Variants in PARP4 observed in about 807,000 individuals in gnomAD.
PARP4 encodes protein mono-ADP-ribosyltransferase PARP4.
In PARP4, 120 loss-of-function variants were observed where a neutral mutation model predicts 187.7. The observed-to-expected ratio is 0.64, with a 90% confidence interval of 0.55 to 0.74. The LOEUF is 0.74. PARP4 is among the 30% of genes least tolerant of loss of function. The pLI is 0.00. For missense variants in PARP4, 1,836 were observed against 2,070.5 expected, an observed-to-expected ratio of 0.89 and a Z score of 2.20; for synonymous variants, 654 against 740.9, an observed-to-expected ratio of 0.88 and a Z score of 1.90.
At chr13:24,488,603 C>T (rs1482426141) in intron 10 of PARP4, among the ~76,000 whole-genome samples, 1 of 152,158 alleles carries the variant, frequency 6.6e-6, no homozygotes, top group East Asian at 1.9e-4. Context: ...ATCTGCCCAC[C>T]TCGGCCTCCC....
At chr13:24,457,708 T>C (rs921307063) in intron 20 of PARP4, among the ~76,000 whole-genome samples, 2 of 146,630 alleles carry the variant, frequency 1.4e-5, no homozygotes, top group African/African-American at 5.1e-5. Context: ...GAGGTGGAGT[T>C]TGCAGTGGGC....
chr13:24,460,482 GC>G (rs1872163909), intron 17 of PARP4, among the ~76,000 whole-genome samples: 50 of 119,860 alleles, frequency 4.2e-4, no homozygotes, highest in Admixed American at 1.3e-3. Context: ...GCACGGGTGG[GC>G]TCTGCTGCAT....
chr13:24,469,873 C>T (rs765109383), intron 16 of PARP4, 21 bp downstream of exon 16: 55 of 1,605,162 alleles, frequency 3.4e-5, no homozygotes, highest in South Asian at 3.3e-4. Context: ...AGAGCGGGCA[C>T]GATGCATCTT....
At chr13:24,486,446 G>C (rs1384753059) in intron 10 of PARP4, 141 bp from the exon 11 acceptor site, 1 of 601,374 alleles carries the variant, frequency 1.7e-6, no homozygotes, top group African/African-American at 1.9e-5. Context: ...AGCATATCTT[G>C]GAAGTATTAT....
intron 12 of PARP4, among the ~76,000 whole-genome samples, chr13:24,481,832 C>A (rs1873297180): frequency 6.6e-6 from 1 of 152,192 alleles, no homozygotes; most frequent in Non-Finnish European, 1.5e-5. Flanking sequence ...TTACTGTACT[C>A]TCACCTGGGC....
rs1565993367 is a variant in PARP4 at position 24,443,750 on chromosome 13, G to A, written c.3367-20C>T. On this transcript the variant is annotated intron_variant, in intron 27 of 33. Coordinates refer to ENST00000381989, the MANE Select transcript of PARP4 (RefSeq NM_006437.4). Reference sequence around the variant, plus strand: ...GATCATCTGTGTTTAAGCAGCAAAGGAAAAAAAATATTCACATGGCTTCTA... The same window carrying A: ...GATCATCTGTGTTTAAGCAGCAAAGAAAAAAAAATATTCACATGGCTTCTA... The A allele has an allele frequency of 6.4e-6, 10 of 1,560,438 alleles. No homozygotes were observed. Among genetic ancestry groups the A allele is most frequent in the Admixed American group, 1.8e-5 (1 of 57,032 alleles).
chr13:24,503,891 G>A lies in PARP4; in HGVS notation c.-1-114C>T, dbSNP rs141257354. 1.1e-5 allele frequency: 9 copies of A among 846,416 alleles called. No homozygotes were observed. In the African/African-American group the frequency reaches 1.5e-4, roughly 14 times the overall value. The allele number at this position is 846,416 out of a possible 1,614,324, so 52.4% of individuals were successfully genotyped here. A position where few individuals can be genotyped will look rare whatever the true frequency, so the allele number is the denominator to read the frequency against. ...TGGGCATTATCTTAAGAAAGATATT[G>A]CAATCATGTTATCAATAGAACATTG... On this transcript the variant is annotated intron_variant, in intron 1 of 33. Transcript: ENST00000381989.
In PARP4 at chr13:24,421,231, G is replaced by A; in HGVS notation, c.5063C>T (p.Pro1688Leu). The A allele has an allele frequency of 7.3e-7, 1 of 1,377,538 alleles. No individual in the cohort carries two copies. Among genetic ancestry groups the A allele is most frequent in the Non-Finnish European group, 9.7e-7 (1 of 1,027,306 alleles). 85.3% of individuals were successfully genotyped at this position (1,377,538 alleles called of 1,614,324 possible). A position where few individuals can be genotyped will look rare whatever the true frequency, so the allele number is the denominator to read the frequency against. Residue 1688 changes from proline (P) to leucine (L), a missense_variant, in exon 34 of 34, where the codon CCA (proline) becomes CTA (leucine). Coordinates refer to ENST00000381989, the MANE Select transcript of PARP4 (RefSeq NM_006437.4). Reference protein sequence around the residue: ...RTEGQYPSICPRLELGNDWDS... With the variant: ...RTEGQYPSICLRLELGNDWDS... Reference sequence around the variant, plus strand: ...CCAGTCGTTCCCCAGTTCAAGCCGTGGGCAGATAGATGGGTACTGTCCTTC... The same window carrying A: ...CCAGTCGTTCCCCAGTTCAAGCCGTAGGCAGATAGATGGGTACTGTCCTTC...
chr13:24,459,914 T>TCCACCACTCCC (rs1162099614), intron 18 of PARP4, 58 bp downstream of exon 18: 2 of 1,485,874 alleles, frequency 1.3e-6, no homozygotes, highest in Non-Finnish European at 1.8e-6. Context: ...TCCACAGCCC[T>TCCACCACTCCC]CCACCACTCC....
chr13:24,423,555 C>CA (rs1290165440), intron 33 of PARP4, among the ~76,000 whole-genome samples: 5 of 106,786 alleles, frequency 4.7e-5, no homozygotes, highest in Admixed American at 2.6e-4. Flanking sequence ...TAAATAAAAA[C>CA]AAAACAAAAA....
At chr13:24,470,750 A>AT (rs61218356) in intron 15 of PARP4, among the ~76,000 whole-genome samples, 14,518 of 151,334 alleles carry the variant, frequency 0.096, 778 homozygotes, top group Non-Finnish European at 0.12. Context: ...AAAATGAAAA[A>AT]TTAAAAAAAA....
At chr13:24,442,419 G>GC (rs1207098655) in intron 29 of PARP4, among the ~76,000 whole-genome samples, 171 bp downstream of exon 29, 1 of 152,302 alleles carries the variant, frequency 6.6e-6, no homozygotes, top group East Asian at 1.9e-4. Context: ...CAACACCGAA[G>GC]CCCCCCATGA....
intron 24 of PARP4, among the ~76,000 whole-genome samples, chr13:24,450,663 C>T (rs140023958): frequency 6.6e-6 from 1 of 151,572 alleles, no homozygotes; most frequent in East Asian, 2.0e-4. Flanking sequence ...GGTCTCTACC[C>T]CTGGGAAGCT....
chr13:24,480,392 A>G (rs1873214246), intron 12 of PARP4, among the ~76,000 whole-genome samples: 1 of 152,208 alleles, frequency 6.6e-6, no homozygotes, highest in South Asian at 2.1e-4. Context: ...TAAGTGTTCA[A>G]GTGAAAGAAA....
In PARP4 at chr13:24,469,925, G is replaced by C. The variant is rs1468838623; in HGVS notation, c.2015C>G (p.Ala672Gly). The C allele has an allele frequency of 3.1e-6, 5 of 1,613,602 alleles. No homozygotes were observed. Among genetic ancestry groups the C allele is most frequent in the South Asian group, 2.2e-5 (2 of 91,054 alleles). ...AACTATGTGCTTCCCATTGATGAAG[G>C]CTTCGAAGCCACACACAGCGGCCTT... ...DDKAAVCGFE[A>G]FINGKHIVGE... Residue 672 changes from alanine to glycine, a missense_variant, in exon 16 of 34, where the codon GCC becomes GGC. Transcript: ENST00000381989.
At chr13:24,446,957 A>G in intron 26 of PARP4, 59 bp downstream of exon 26, 1 of 1,532,514 alleles carries the variant, frequency 6.5e-7, no homozygotes, top group Non-Finnish European at 8.7e-7. Flanking sequence ...GAAGACAGAA[A>G]AAAAATTAGC....
intron 9 of PARP4, 43 bp from the exon 10 acceptor site, chr13:24,490,871 T>C (rs749024511): frequency 6.8e-6 from 10 of 1,471,554 alleles, no homozygotes; most frequent in Non-Finnish European, 9.4e-6. Flanking sequence ...TCACCACATA[T>C]CAAAATTAAT....
chr13:24,475,449 T>C, intron 15 of PARP4, 23 bp downstream of exon 15: 1 of 1,606,150 alleles, frequency 6.2e-7, no homozygotes, highest in Non-Finnish European at 8.5e-7. Flanking sequence ...AGTTTAAGTG[T>C]CATAAAGCCA....
intron 9 of PARP4, 37 bp from the exon 10 acceptor site, chr13:24,490,865 C>G (rs1208804645): frequency 5.8e-6 from 9 of 1,542,266 alleles, no homozygotes; most frequent in African/African-American, 1.4e-5. Flanking sequence ...TCAGAATCAC[C>G]ACATATCAAA....
Sources: allele counts gnomAD v4.1 joint callset (sites outside exome capture counted in the v4.1 genomes callset), GRCh38; gene constraint gnomAD v4.1.1; transcripts MANE v1.5; gene names NCBI Gene and HGNC (gene_info 2026-07-23, HGNC 2026-07-21).